CNTNAP2: variants seen among roughly 807,000 people sequenced by gnomAD.
CNTNAP2 encodes the protein contactin-associated protein-like 2.
In CNTNAP2, 98 loss-of-function variants were observed where a neutral mutation model predicts 155.2. The observed-to-expected ratio is 0.63, with a 90% confidence interval of 0.54 to 0.75. The LOEUF (loss-of-function observed/expected upper bound fraction) is 0.75. Among genes scored for constraint, CNTNAP2 ranks in the 30% least tolerant of loss-of-function variants. The probability of loss-of-function intolerance (pLI) is 0.00; values close to 1 mark genes in which losing one functional copy is unlikely to be tolerated. For missense variants in CNTNAP2, 1,727 were observed against 1,688.1 expected (o/e 1.02, Z -0.40); for synonymous variants, 651 against 631.2 (o/e 1.03, Z -0.47).
intron 11 of CNTNAP2, among the ~76,000 whole-genome samples, chr7:147,530,354 A>C (rs1799410129): frequency 6.6e-6 from 1 of 151,860 alleles, no homozygotes; most frequent in Non-Finnish European, 1.5e-5. Context: ...TAATTTTTGT[A>C]TTTTTAGTGG....
chr7:147,700,181 T>TA (rs1796215195), intron 13 of CNTNAP2, among the ~76,000 whole-genome samples: 2 of 152,166 alleles, frequency 1.3e-5, no homozygotes, highest in Non-Finnish European at 2.9e-5. Context: ...CTAGTTGTAT[T>TA]AAAAAAGTAA....
At chr7:147,592,176 T>C (rs1302983518) in intron 12 of CNTNAP2, among the ~76,000 whole-genome samples, 1 of 152,184 alleles carries the variant, frequency 6.6e-6, no homozygotes, top group Non-Finnish European at 1.5e-5. Flanking sequence ...CTGCTCCTCT[T>C]AGGCACTTAG....
intron 3 of CNTNAP2, among the ~76,000 whole-genome samples, chr7:146,907,755 T>A (rs965336724): frequency 1.4e-5 from 2 of 147,210 alleles, no homozygotes; most frequent in Admixed American, 6.8e-5. Flanking sequence ...ATGAGCAAAA[T>A]CACCAGCTAA....
chr7:148,214,125 G>A (rs905673743), intron 18 of CNTNAP2, among the ~76,000 whole-genome samples: 2 of 152,170 alleles, frequency 1.3e-5, no homozygotes, highest in Non-Finnish European at 2.9e-5. Context: ...CCACCCCTGT[G>A]TTCCAGGGGG....
At chr7:148,033,349 C>G (rs1407889674) in intron 15 of CNTNAP2, among the ~76,000 whole-genome samples, 3 of 132,670 alleles carry the variant, frequency 2.3e-5, no homozygotes, top group Non-Finnish European at 3.1e-5. Context: ...CCTTTTTTTT[C>G]CTTTATTTCT....
At chr7:146,817,646 T>C (rs1021688205) in intron 2 of CNTNAP2, among the ~76,000 whole-genome samples, 14 of 152,022 alleles carry the variant, frequency 9.2e-5, no homozygotes, top group Admixed American at 2.0e-4. Flanking sequence ...CACGTCTTAT[T>C]TGGCAGGAAC....
At chr7:147,902,111 C>T (rs1208165248) in intron 13 of CNTNAP2, among the ~76,000 whole-genome samples, 2 of 152,184 alleles carry the variant, frequency 1.3e-5, no homozygotes, top group Non-Finnish European at 2.9e-5. Context: ...ATGGCCCATA[C>T]ACCTTCATTG....
chr7:146,296,681 A>G (rs1056599384), intron 1 of CNTNAP2, among the ~76,000 whole-genome samples: 1 of 152,124 alleles, frequency 6.6e-6, no homozygotes, highest in Non-Finnish European at 1.5e-5. Context: ...TGTCCTGGTA[A>G]TTAACAATAC....
At chr7:146,334,172 C>T (rs71530733) in intron 1 of CNTNAP2, among the ~76,000 whole-genome samples, 1 of 152,150 alleles carries the variant, frequency 6.6e-6, no homozygotes, top group Non-Finnish European at 1.5e-5. Context: ...TGGCTCACGC[C>T]TGTAATCCCA....
At chr7:148,280,145 T>C (rs560528188) in intron 21 of CNTNAP2, among the ~76,000 whole-genome samples, 4 of 151,922 alleles carry the variant, frequency 2.6e-5, no homozygotes, top group African/African-American at 7.2e-5. Flanking sequence ...CTGTCTCTAC[T>C]AAAAATATAA....
intron 13 of CNTNAP2, among the ~76,000 whole-genome samples, chr7:147,809,045 GA>G (rs111884245): frequency 0.036 from 5,316 of 148,540 alleles, 142 homozygotes; most frequent in Non-Finnish European, 0.052. Context: ...AACCAGGAAG[GA>G]AAAAAAAAAT....
At chr7:146,207,188 C>A (rs1337405170) in intron 1 of CNTNAP2, among the ~76,000 whole-genome samples, 1 of 151,884 alleles carries the variant, frequency 6.6e-6, no homozygotes, top group Non-Finnish European at 1.5e-5. Context: ...TTATTGTGAC[C>A]CCATATATCT....
At chr7:146,692,995 G>C (rs375528884) in intron 1 of CNTNAP2, among the ~76,000 whole-genome samples, 7 of 152,044 alleles carry the variant, frequency 4.6e-5, no homozygotes, top group African/African-American at 1.7e-4. Context: ...TACGGTAAAA[G>C]GGCACTGGAC....
chr7:147,834,948 T>C (rs1189888662), intron 13 of CNTNAP2, among the ~76,000 whole-genome samples: 1 of 152,210 alleles, frequency 6.6e-6, no homozygotes, highest in Non-Finnish European at 1.5e-5. Context: ...TCAGAAACTT[T>C]CTTTCTCTCC....
chr7:146,521,359 A>G (rs1229184017), intron 1 of CNTNAP2, among the ~76,000 whole-genome samples: 1 of 151,966 alleles, frequency 6.6e-6, no homozygotes, highest in African/African-American at 2.4e-5. Context: ...TTTGCTGACC[A>G]TGGTTTATAG....
intron 21 of CNTNAP2, among the ~76,000 whole-genome samples, chr7:148,348,721 C>G (rs562396981): frequency 2.0e-5 from 3 of 152,190 alleles, no homozygotes; most frequent in Admixed American, 6.5e-5. Flanking sequence ...AGCCACACCC[C>G]CTGAAGCAGA....
intron 20 of CNTNAP2, among the ~76,000 whole-genome samples, chr7:148,239,315 T>TTC (rs1426959086): frequency 6.6e-6 from 1 of 152,244 alleles, no homozygotes; most frequent in African/African-American, 2.4e-5. Flanking sequence ...ACATGTATAA[T>TTC]TCTATGGAGA....
At chr7:146,996,710 T>C (rs1798313914) in intron 3 of CNTNAP2, among the ~76,000 whole-genome samples, 1 of 152,138 alleles carries the variant, frequency 6.6e-6, no homozygotes, top group South Asian at 2.1e-4. Flanking sequence ...TACTTCCTTT[T>C]GCCTAATTGT....
At chr7:146,238,819 C>T (rs1799516019) in intron 1 of CNTNAP2, among the ~76,000 whole-genome samples, 1 of 152,140 alleles carries the variant, frequency 6.6e-6, no homozygotes, top group Non-Finnish European at 1.5e-5. Flanking sequence ...GCACCTTCTT[C>T]ACAAGGCGGC....
Sources: allele counts gnomAD v4.1 joint callset (sites outside exome capture counted in the v4.1 genomes callset), GRCh38; gene constraint gnomAD v4.1.1; transcripts MANE v1.5; gene names NCBI Gene and HGNC (gene_info 2026-07-23, HGNC 2026-07-21).